SCARB1: variants seen among roughly 807,000 people sequenced by gnomAD.
The protein encoded by SCARB1 is CD36 and LIMPII analogous 1.
In SCARB1, 30 loss-of-function variants were observed where a neutral mutation model predicts 57.2. The observed-to-expected ratio is 0.52, with a 90% confidence interval of 0.39 to 0.71. SCARB1 has a LOEUF of 0.71. Among genes scored for constraint, SCARB1 ranks in the 30% least tolerant of loss-of-function variants. SCARB1 has a pLI of 0.00. For synonymous variants in SCARB1, 249 were observed against 268.3 expected, an observed-to-expected ratio of 0.93 and a Z score of 0.70; for missense variants, 543 against 671.2, an observed-to-expected ratio of 0.81 and a Z score of 2.11.
chr12:124,818,195 G>A (rs375281928), intron 1 of SCARB1, among the ~76,000 whole-genome samples: 4 of 152,182 alleles, frequency 2.6e-5, no homozygotes, highest in Admixed American at 6.5e-5. Context: ...CAGCTATGTG[G>A]GGCTTTACCA....
intron 7 of SCARB1, among the ~76,000 whole-genome samples, chr12:124,801,253 C>G (rs1211164274): frequency 6.6e-6 from 1 of 151,952 alleles, no homozygotes; most frequent in Admixed American, 6.6e-5. Flanking sequence ...CAGTGCTAAT[C>G]CACAGACAGA....
chr12:124,830,058 T>C (rs767187319), intron 1 of SCARB1, among the ~76,000 whole-genome samples: 2 of 152,108 alleles, frequency 1.3e-5, no homozygotes, highest in Non-Finnish European at 2.9e-5. Context: ...GAATAGGAGA[T>C]AGGAGAAAGG....
intron 1 of SCARB1, among the ~76,000 whole-genome samples, chr12:124,845,414 G>A: frequency 6.6e-6 from 1 of 152,160 alleles, no homozygotes; most frequent in East Asian, 1.9e-4. Flanking sequence ...AATGTGCAGG[G>A]CCGGGCACGG....
At chr12:124,805,476 A>G (rs868718872) in intron 7 of SCARB1, among the ~76,000 whole-genome samples, 3 of 152,142 alleles carry the variant, frequency 2.0e-5, no homozygotes, top group Admixed American at 2.0e-4. Context: ...TAGGGGCTGG[A>G]TCCTGCAGGG....
At chr12:124,847,583 A>C (rs1291919224) in intron 1 of SCARB1, among the ~76,000 whole-genome samples, 1 of 152,182 alleles carries the variant, frequency 6.6e-6, no homozygotes, top group Non-Finnish European at 1.5e-5. Context: ...TGAGTCAGGG[A>C]TCAGATCCGC....
chr12:124,857,898 G>A (rs1345768300), intron 1 of SCARB1, among the ~76,000 whole-genome samples: 1 of 152,208 alleles, frequency 6.6e-6, no homozygotes, highest in Admixed American at 6.5e-5. Flanking sequence ...GAAGATGGTG[G>A]TCTTGGAAGA....
rs1950473570 is a variant in SCARB1 at position 124,810,246 on chromosome 12, G to A, written c.770C>T (p.Thr257Ile). The A allele has an allele frequency of 2.5e-6, 4 of 1,614,048 alleles. No homozygotes were observed. The highest frequency in any genetic ancestry group is 3.4e-6 in the Non-Finnish European group (4 of 1,179,994). ...HSDQCNMING[T>I]SGQMWPPFMT... ...GAAGGGCGGCCACATTTGCCCAGAA[G>A]TTCCATTGATCATGTTGCACTGATC... The change falls in exon 6 of 13, where the codon ACT (threonine) becomes ATT (isoleucine). Residue 257 changes from threonine to isoleucine, a missense_variant. Coordinates refer to ENST00000261693, the MANE Select transcript of SCARB1 (RefSeq NM_005505.5). The surrounding 1 kb of genome is among the most constrained non-coding windows in gnomAD (Gnocchi z 4.0).
intron 1 of SCARB1, among the ~76,000 whole-genome samples, chr12:124,863,046 C>CT (rs1034084732): frequency 1.3e-5 from 2 of 152,156 alleles, no homozygotes; most frequent in Admixed American, 1.3e-4. Context: ...GAGAGGGTTC[C>CT]TATGGGGAGA....
At chr12:124,855,450 G>A (rs2135845524) in intron 1 of SCARB1, among the ~76,000 whole-genome samples, 1 of 152,298 alleles carries the variant, frequency 6.6e-6, no homozygotes, top group Non-Finnish European at 1.5e-5. Flanking sequence ...AGGCTTCAAA[G>A]TCAAGAACGC....
Position 124,800,465 on chromosome 12 carries a change from C to A in SCARB1, c.1010-223G>T, listed in dbSNP as rs935604393. 1.4e-4 allele frequency among the ~76,000 whole-genome samples: 22 copies of A among 152,194 alleles called. No homozygotes were observed. The highest frequency in any genetic ancestry group is 2.9e-4 in the Non-Finnish European group (20 of 68,044). On this transcript the variant is annotated intron_variant, in intron 7 of 12. Transcript: ENST00000261693. This position sits in a 1 kb window ranked among gnomAD's most constrained non-coding sequence, Gnocchi z 4.8. ...AGGGGTGAGGCAGGAGCCGCTGATT[C>A]TGACAGGAGAGACCAAAAGAAGGAA...
At chr12:124,778,705 G>T in intron 12 of SCARB1, 119 bp from the exon 13 acceptor site, 3 of 1,037,788 alleles carry the variant, frequency 2.9e-6, no homozygotes, top group Non-Finnish European at 3.7e-6. Flanking sequence ...CCCGCCACCA[G>T]GCTGTCAGAA....
chr12:124,811,805 C>T, intron 5 of SCARB1, 65 bp downstream of exon 5: 1 of 1,110,054 alleles, frequency 9.0e-7, no homozygotes, highest in Non-Finnish European at 1.4e-6. Flanking sequence ...CACTCCCGAG[C>T]AGCCATGGCC....
intron 7 of SCARB1, among the ~76,000 whole-genome samples, chr12:124,805,560 G>A (rs12304950): frequency 1.3e-3 from 192 of 151,946 alleles, no homozygotes; most frequent in African/African-American, 4.3e-3. Flanking sequence ...AGAGGACGGC[G>A]GCCATCTGCA....
intron 7 of SCARB1, among the ~76,000 whole-genome samples, chr12:124,805,754 A>G: frequency 1.1e-5 from 1 of 89,282 alleles, no homozygotes; most frequent in South Asian, 4.0e-4. Context: ...TTTTTTGGCC[A>G]GAGAGAGGTC....
chr12:124,797,308 C>G lies in SCARB1; in HGVS notation c.1129-2040G>C, dbSNP rs548969184. On this transcript the variant is annotated intron_variant, in intron 8 of 12. Transcript: ENST00000261693. ...TTAGCTGTGATACCACCATAAGCAG[C>G]GTCCTGTTGAGTCCCCCGTCCCCAT... 4.6e-5 allele frequency among the ~76,000 whole-genome samples: 7 copies of G among 152,258 alleles called. No homozygotes were observed. In the East Asian group the frequency reaches 1.4e-3, roughly 29 times the overall value.
intron 1 of SCARB1, among the ~76,000 whole-genome samples, chr12:124,853,232 T>C (rs1188314862): frequency 6.6e-6 from 1 of 152,036 alleles, no homozygotes; most frequent in African/African-American, 2.4e-5. Context: ...GGACAGCATG[T>C]GACACGTTGG....
rs567587041 is a variant in SCARB1 at position 124,836,535 on chromosome 12, G to A, written c.127-18828C>T. On this transcript the variant is annotated intron_variant, in intron 1 of 12. Transcript: ENST00000261693. ...AGGCTGGGTGTGGTGGCTCACACCT[G>A]TAATCCCAGCACTTTGGGAGGCTGG... Among the ~76,000 whole-genome samples the A allele has an allele frequency of 2.0e-5, 3 of 152,350 alleles. 1 individual carries two copies. Among genetic ancestry groups the A allele is most frequent in the African/African-American group, 7.2e-5 (3 of 41,588 alleles).
At chr12:124,840,007 C>A in intron 1 of SCARB1, 1 of 66,576 alleles carries the variant, frequency 1.5e-5, no homozygotes. Flanking sequence ...TTTCTCCGCA[C>A]CCTCACCCCA....
chr12:124,855,274 G>A (rs1029754168), intron 1 of SCARB1, among the ~76,000 whole-genome samples: 1 of 152,190 alleles, frequency 6.6e-6, no homozygotes, highest in Non-Finnish European at 1.5e-5. Flanking sequence ...GGAGTGGAGG[G>A]AAAGAAAACA....
Sources: allele counts gnomAD v4.1 joint callset (sites outside exome capture counted in the v4.1 genomes callset), GRCh38; gene constraint gnomAD v4.1.1; non-coding constraint Gnocchi (gnomAD v3.1); transcripts MANE v1.5; gene names NCBI Gene and HGNC (gene_info 2026-07-23, HGNC 2026-07-21).